TSC22D3: variants seen among roughly 807,000 people sequenced by gnomAD.
TSC22D3 encodes the protein TSC22 domain family member 3.
In TSC22D3, 4 loss-of-function variants were observed where a neutral mutation model predicts 11.1. The observed-to-expected ratio is 0.36, with a 90% CI of 0.18 to 0.83. TSC22D3 has a LOEUF of 0.83. Among genes scored for constraint, TSC22D3 ranks in the 40% least tolerant of loss-of-function variants. The probability of loss-of-function intolerance (pLI) is 0.48; values close to 1 mark genes in which losing one functional copy is unlikely to be tolerated. For missense variants in TSC22D3, 118 were observed against 159.4 expected (o/e 0.74, Z 1.40); for synonymous variants, 77 against 70.3 (o/e 1.10, Z -0.48).
intron 1 of TSC22D3, among the ~76,000 whole-genome samples, chrX:107,723,572 C>T (rs1184560213): frequency 4.4e-5 from 5 of 112,539 alleles, no homozygotes; most frequent in Admixed American, 9.4e-5. Context: ...ATCCCAGTGT[C>T]CTGCAGCCTT....
intron 1 of TSC22D3, among the ~76,000 whole-genome samples, chrX:107,731,282 T>A (rs1373205446): frequency 8.9e-6 from 1 of 111,734 alleles, no homozygotes; most frequent in East Asian, 2.8e-4. Context: ...TACTACGCTC[T>A]TATGCTTGTG....
Position 107,727,789 on chromosome X carries a change from A to T in TSC22D3, c.321-11839T>A, listed in dbSNP as rs763345784. Among the ~76,000 whole-genome samples the T allele has an allele frequency of 1.8e-4, 20 of 111,963 alleles. No individual in the cohort carries two copies. In the Admixed American group the frequency reaches 1.9e-3, roughly 11 times the overall value. On this transcript the variant is annotated intron_variant, in intron 1 of 2. Transcript: ENST00000372383. The stretch of plus-strand genomic sequence containing the variant: ...TGGTTTCACATATACTGCTATGGGG[A>T]GGGGGTAGTTTGAGAAGTTGTTGTT...
chrX:107,752,672 C>T (rs1277164780), intron 1 of TSC22D3, among the ~76,000 whole-genome samples: 2 of 111,177 alleles, frequency 1.8e-5, no homozygotes, highest in African/African-American at 6.6e-5. Context: ...AGCTGGAGTC[C>T]CTTTGCGTTG....
At chrX:107,744,407 G>C (rs993448724) in intron 1 of TSC22D3, among the ~76,000 whole-genome samples, 1 of 110,918 alleles carries the variant, frequency 9.0e-6, no homozygotes, top group African/African-American at 3.3e-5. Flanking sequence ...CTTGAGCCCA[G>C]GAGGCAGAGG....
intron 1 of TSC22D3, among the ~76,000 whole-genome samples, chrX:107,739,067 G>A (rs556960806): frequency 6.2e-5 from 7 of 113,049 alleles, no homozygotes; most frequent in East Asian, 2.8e-4. Flanking sequence ...GGAATCAGTC[G>A]TAGCCAAAGA....
intron 1 of TSC22D3, among the ~76,000 whole-genome samples, chrX:107,728,011 G>A (rs1315142866): frequency 8.9e-6 from 1 of 111,886 alleles, no homozygotes; most frequent in Non-Finnish European, 1.9e-5. Flanking sequence ...AAAATGGGCC[G>A]TGCAAGGTCT....
chrX:107,716,535 C>A (rs1047028242), intron 1 of TSC22D3: 60 of 967,182 alleles, frequency 6.2e-5, no homozygotes, highest in Middle Eastern at 4.5e-4. Flanking sequence ...GTGACCCCCC[C>A]CTTCCTGCGT....
chrX:107,714,900 T>A, intron 2 of TSC22D3, 151 bp from the exon 3 acceptor site: 1 of 510,852 alleles, frequency 2.0e-6, no homozygotes, highest in East Asian at 3.5e-5. Context: ...GTCCAATTCC[T>A]CGTTCACCTT....
intron 1 of TSC22D3, among the ~76,000 whole-genome samples, chrX:107,740,896 G>A (rs906192663): frequency 9.1e-6 from 1 of 109,946 alleles, no homozygotes; most frequent in African/African-American, 3.3e-5. Context: ...GCTTTAAAGT[G>A]AGTTTCCCCA....
intron 1 of TSC22D3, among the ~76,000 whole-genome samples, chrX:107,745,146 A>G (rs1483789779): frequency 1.8e-5 from 2 of 112,035 alleles, no homozygotes; most frequent in Non-Finnish European, 3.8e-5. Flanking sequence ...TCCCTGTCCC[A>G]TCTTGATGAA....
At chrX:107,759,271 T>A (rs982661398) in intron 1 of TSC22D3, among the ~76,000 whole-genome samples, 5 of 111,161 alleles carry the variant, frequency 4.5e-5, no homozygotes, top group African/African-American at 1.6e-4. Flanking sequence ...CTTTTTTTTG[T>A]CTTATGTGAA....
intron 1 of TSC22D3, among the ~76,000 whole-genome samples, chrX:107,733,970 G>C (rs1322849746): frequency 1.8e-5 from 2 of 111,879 alleles, no homozygotes; most frequent in East Asian, 5.6e-4. Context: ...AGAATGGGCT[G>C]GGCTATTTCA....
chrX:107,735,369 C>T (rs945165998), intron 1 of TSC22D3, among the ~76,000 whole-genome samples: 4 of 111,738 alleles, frequency 3.6e-5, no homozygotes, highest in African/African-American at 1.3e-4. Flanking sequence ...TGTTCAGACG[C>T]TATTCTTGGT....
At chrX:107,752,904 A>G (rs1928999893) in intron 1 of TSC22D3, among the ~76,000 whole-genome samples, 1 of 111,827 alleles carries the variant, frequency 8.9e-6, no homozygotes, top group Non-Finnish European at 1.9e-5. Context: ...GTAAAAATCA[A>G]TTCACAAAGA....
intron 1 of TSC22D3, among the ~76,000 whole-genome samples, chrX:107,739,386 G>A (rs1044423324): frequency 3.6e-5 from 4 of 112,542 alleles, no homozygotes; most frequent in African/African-American, 6.5e-5. Flanking sequence ...GCACACACAG[G>A]CGCGTGCACA....
At chrX:107,723,472 A>C (rs925879828) in intron 1 of TSC22D3, among the ~76,000 whole-genome samples, 1 of 112,638 alleles carries the variant, frequency 8.9e-6, no homozygotes, top group African/African-American at 3.2e-5. Flanking sequence ...TTTCAGAGGC[A>C]GGTGCTAAGG....
chrX:107,757,609 C>T (rs1929235537), intron 1 of TSC22D3, among the ~76,000 whole-genome samples: 1 of 111,290 alleles, frequency 9.0e-6, no homozygotes, highest in African/African-American at 3.3e-5. Flanking sequence ...CACAATCTAC[C>T]TCTCCTCTTT....
At chrX:107,721,929 C>T (rs1364442084) in intron 1 of TSC22D3, 1 of 502,392 alleles carries the variant, frequency 2.0e-6, no homozygotes, top group East Asian at 3.7e-5. Flanking sequence ...GTCCTTGCTT[C>T]TCGCTTATCT....
intron 1 of TSC22D3, among the ~76,000 whole-genome samples, chrX:107,763,525 G>T (rs776315185): frequency 3.7e-4 from 41 of 111,136 alleles, no homozygotes; most frequent in African/African-American, 1.3e-3. Flanking sequence ...CTGCATTCAG[G>T]CTGTTTTTCA....
Sources: gnomAD v4.1 joint callset for allele counts (sites outside exome capture counted in the v4.1 genomes callset) on GRCh38, gnomAD v4.1.1 for gene constraint, MANE v1.5 for transcripts, NCBI Gene and HGNC (gene_info 2026-07-23, HGNC 2026-07-21) for gene names.